ASTN2: variants seen among roughly 807,000 people sequenced by gnomAD.
The protein encoded by ASTN2 is astrotactin-2.
In ASTN2, 54 loss-of-function variants were observed where a neutral mutation model predicts 139.8. The ratio of observed to expected loss-of-function variants is 0.39; its 90% CI spans 0.31 to 0.48. The LOEUF (loss-of-function observed/expected upper bound fraction) is 0.48. Among genes scored for constraint, ASTN2 ranks in the 20% least tolerant of loss-of-function variants. The probability of loss-of-function intolerance (pLI) is 0.95; values close to 1 mark genes in which losing one functional copy is unlikely to be tolerated. For missense variants in ASTN2, 1,565 were observed against 1,725.1 expected (o/e 0.91, Z 1.64); for synonymous variants, 756 against 719.5 (o/e 1.05, Z -0.81).
In ASTN2 at chr9:117,029,658, C is replaced by T. The variant is rs551773528; in HGVS notation, c.1423+10161G>A. On this transcript the variant is annotated intron_variant, in intron 6 of 22. Transcript: ENST00000313400. The stretch of plus-strand genomic sequence containing the variant: ...TGCCACAGAGAGTATGGTATGCAAA[C>T]GTTTGTTGACCATGGGAGGAAAAAA... Among the ~76,000 whole-genome samples, 15 of 151,030 alleles carry T rather than the reference C, an allele frequency of 9.9e-5. No homozygotes were observed. In the South Asian group the frequency reaches 2.7e-3, roughly 28 times the overall value.
At chr9:116,820,878 G>T in intron 11 of ASTN2, 95 bp from the exon 12 acceptor site, 1 of 1,291,892 alleles carries the variant, frequency 7.7e-7, no homozygotes, top group Non-Finnish European at 1.1e-6. Context: ...ATGTGTCAGG[G>T]CCTGACAGAA....
chr9:117,056,371 G>A (rs1240549249), intron 5 of ASTN2, among the ~76,000 whole-genome samples: 1 of 152,148 alleles, frequency 6.6e-6, no homozygotes, highest in Non-Finnish European at 1.5e-5. Context: ...AAGTTTAGAA[G>A]AGACTTCCAT....
At chr9:116,884,810 C>CCCT (rs1833550875) in intron 10 of ASTN2, among the ~76,000 whole-genome samples, 1 of 124,628 alleles carries the variant, frequency 8.0e-6, no homozygotes, top group Non-Finnish European at 1.6e-5. Context: ...TCCGCCCCCC[C>CCCT]CCCACCCACT....
Position 117,394,989 on chromosome 9 carries a change from G to C in ASTN2, c.442+19508C>G, listed in dbSNP as rs192012142. ...GAGTGATGAGGGTGGTGGAAACGAG[G>C]AAAGAGCATGGGGGAAATGAGGAAG... is the stretch of plus-strand genomic sequence containing the variant. On this transcript the variant is annotated intron_variant, in intron 1 of 22. Coordinates refer to ENST00000313400, the MANE Select transcript of ASTN2 (RefSeq NM_001365068.1). 2.9e-4 allele frequency among the ~76,000 whole-genome samples: 44 copies of C among 152,278 alleles called. No individual in the cohort carries two copies. The South Asian group carries it at 3.7e-3, about 13-fold the overall frequency.
chr9:116,811,116 A>G (rs1831154752), intron 12 of ASTN2, among the ~76,000 whole-genome samples: 1 of 151,854 alleles, frequency 6.6e-6, no homozygotes, highest in Non-Finnish European at 1.5e-5. Flanking sequence ...TTTGTATTTT[A>G]TTGGTGAGCT....
chr9:116,932,980 T>C (rs1039708995), intron 10 of ASTN2, among the ~76,000 whole-genome samples: 1 of 122,806 alleles, frequency 8.1e-6, no homozygotes, highest in Non-Finnish European at 1.6e-5. Context: ...CACTCCAGCC[T>C]GGGTGACAGA....
At chr9:117,044,273 A>C (rs10983471) in intron 5 of ASTN2, among the ~76,000 whole-genome samples, 2 of 152,180 alleles carry the variant, frequency 1.3e-5, no homozygotes, top group African/African-American at 2.4e-5. Context: ...GGACATAAGA[A>C]GGAGAAAGTG....
chr9:117,312,609 G>C (rs1828009750), intron 1 of ASTN2, among the ~76,000 whole-genome samples: 1 of 152,180 alleles, frequency 6.6e-6, no homozygotes, highest in East Asian at 1.9e-4. Context: ...ATGCAGACAT[G>C]GTCAAAATGA....
intron 10 of ASTN2, among the ~76,000 whole-genome samples, chr9:116,969,263 G>A (rs1836112997): frequency 6.6e-6 from 1 of 152,124 alleles, no homozygotes; most frequent in African/African-American, 2.4e-5. Flanking sequence ...TTCCAAACCT[G>A]GTTCTATTAC....
intron 1 of ASTN2, among the ~76,000 whole-genome samples, chr9:117,382,342 A>G (rs1830295435): frequency 6.6e-6 from 1 of 152,216 alleles, no homozygotes; most frequent in African/African-American, 2.4e-5. Context: ...AAAACAGAAC[A>G]AGTCTGATCT....
intron 10 of ASTN2, among the ~76,000 whole-genome samples, chr9:116,961,220 C>G (rs1347416629): frequency 6.8e-6 from 1 of 146,386 alleles, no homozygotes; most frequent in Non-Finnish European, 1.5e-5. Context: ...AAAATACACA[C>G]AACATAAAAT....
rs1588026690 is a variant in ASTN2, at chr9:117,414,765, C to T, written c.174G>A (p.Glu58=). ...TCTTCAGCCGGCACGGGCTGTCGGG[C>T]TCCCGCGAGGCAGCGGCGGTGGCGC... ...LAGATAAASR[E]PDSPCRLKTV... Residue 58 remains glutamate, a synonymous_variant, in exon 1 of 23, where the codon GAG becomes GAA. Transcript: ENST00000313400. The surrounding 1 kb of genome is among the most constrained non-coding windows in gnomAD (Gnocchi z 4.2). 8.7e-6 allele frequency: 11 copies of T among 1,267,586 alleles called. No homozygotes were observed. The East Asian group carries it at 4.0e-4, about 46-fold the overall frequency. The allele number at this position is 1,267,586 out of a possible 1,614,324, so 78.5% of individuals were successfully genotyped here.
intron 13 of ASTN2, among the ~76,000 whole-genome samples, chr9:116,752,940 T>C (rs1829436656): frequency 6.6e-6 from 1 of 152,250 alleles, no homozygotes; most frequent in South Asian, 2.1e-4. Flanking sequence ...ACAGCCACTT[T>C]GGAGAATCGT....
intron 20 of ASTN2, among the ~76,000 whole-genome samples, chr9:116,465,418 T>C (rs535772871): frequency 4.1e-4 from 62 of 152,280 alleles, no homozygotes; most frequent in Non-Finnish European, 8.1e-4. Flanking sequence ...TCGCCACGGC[T>C]GGACAAGCTC....
At chr9:116,563,037 T>A (rs1289823067) in intron 19 of ASTN2, among the ~76,000 whole-genome samples, 1 of 151,998 alleles carries the variant, frequency 6.6e-6, no homozygotes, top group Non-Finnish European at 1.5e-5. Flanking sequence ...AATTTTTCTA[T>A]CTGGTATGAC....
intron 1 of ASTN2, among the ~76,000 whole-genome samples, chr9:117,406,481 A>T (rs1290211534): frequency 4.6e-5 from 7 of 151,364 alleles, no homozygotes; most frequent in African/African-American, 1.7e-4. Context: ...TTGTCCTGCC[A>T]CCCCCCTCCT....
intron 22 of ASTN2, among the ~76,000 whole-genome samples, chr9:116,435,719 T>G (rs1847630188): frequency 6.6e-6 from 1 of 152,238 alleles, no homozygotes; most frequent in South Asian, 2.1e-4. Flanking sequence ...CAAGGATTCT[T>G]CCTTGAGCTC....
At chr9:117,044,954 C>G (rs547793703) in intron 5 of ASTN2, among the ~76,000 whole-genome samples, 278 of 152,214 alleles carry the variant, frequency 1.8e-3, no homozygotes, top group African/African-American at 6.4e-3. Context: ...TAAGGATCAC[C>G]CAATTTTGTA....
chr9:116,845,669 C>G (rs1387152296), intron 11 of ASTN2, among the ~76,000 whole-genome samples: 4 of 152,122 alleles, frequency 2.6e-5, no homozygotes, highest in Non-Finnish European at 2.9e-5. Flanking sequence ...AAATGCAAAT[C>G]GAAACTACCT....
Sources: gnomAD v4.1 joint callset for allele counts (sites outside exome capture counted in the v4.1 genomes callset) on GRCh38, gnomAD v4.1.1 for gene constraint, Gnocchi (gnomAD v3.1) non-coding constraint, MANE v1.5 for transcripts, NCBI Gene and HGNC (gene_info 2026-07-23, HGNC 2026-07-21) for gene names.